Variants in BCAT1 observed in about 807,000 individuals in gnomAD.
BCAT1 encodes branched chain amino acid transaminase 1.
Under a neutral mutation model 52.4 loss-of-function variants are expected in BCAT1, and 48 were observed. The ratio of observed to expected loss-of-function variants is 0.92; its 90% CI spans 0.73 to 1.16. The LOEUF (loss-of-function observed/expected upper bound fraction) is 1.16. BCAT1 is among the 50% of genes most tolerant of loss of function. The pLI, the probability that BCAT1 is intolerant of heterozygous loss-of-function variation, is 0.00. For synonymous variants in BCAT1, 167 were observed against 161.3 expected, an observed-to-expected ratio of 1.04 and a Z score of -0.27; for missense variants, 451 against 457.1, an observed-to-expected ratio of 0.99 and a Z score of 0.12.
At chr12:24,836,939 A>AAAG in intron 7 of BCAT1, among the ~76,000 whole-genome samples, 2 of 118,452 alleles carry the variant, frequency 1.7e-5, no homozygotes, top group African/African-American at 5.8e-5. Context: ...AGAAAGAAAG[A>AAAG]AAGAAAGAAA....
At chr12:24,945,584 G>C (rs1439899477) in intron 1 of BCAT1, 1 of 152,190 alleles carries the variant, frequency 6.6e-6, no homozygotes, top group African/African-American at 2.4e-5. Flanking sequence ...TGTAATCCCA[G>C]CACTTTGGGA....
rs552698764 is a variant in BCAT1, at chr12:24,891,502, G to A, written c.279+2773C>T. 4.2e-3 allele frequency among the ~76,000 whole-genome samples: 645 copies of A among 152,186 alleles called. 3 individuals carry two copies. The highest frequency in any genetic ancestry group is 8.1e-3 in the South Asian group (39 of 4,816). ...ACATGAAAAATAATTTTAAAATGAC[G>A]CTTGTAATTTTAAGCTATTAATTTT... is the stretch of plus-strand genomic sequence containing the variant. On this transcript the variant is annotated intron_variant, in intron 3 of 10. Transcript: ENST00000261192.
At chr12:24,930,781 T>G (rs1324655621) in intron 1 of BCAT1, among the ~76,000 whole-genome samples, 1 of 152,188 alleles carries the variant, frequency 6.6e-6, no homozygotes, top group Non-Finnish European at 1.5e-5. Context: ...AGGCTAAAGC[T>G]TGCAGAATTA....
At chr12:24,823,040 T>A (rs1000911873) in intron 10 of BCAT1, among the ~76,000 whole-genome samples, 4 of 152,016 alleles carry the variant, frequency 2.6e-5, no homozygotes, top group African/African-American at 9.7e-5. Context: ...TTGACTTTTT[T>A]TTTTTTTTCA....
intron 4 of BCAT1, among the ~76,000 whole-genome samples, 155 bp downstream of exon 4, chr12:24,881,146 T>C (rs1159058684): frequency 6.6e-6 from 1 of 152,216 alleles, no homozygotes; most frequent in Non-Finnish European, 1.5e-5. Flanking sequence ...TTTTCTTGTA[T>C]TTTTACCTAA....
rs56155850 is a variant in BCAT1, at chr12:24,842,958, T to C, written c.675-734A>G. On this transcript the variant is annotated intron_variant, in intron 6 of 10. Transcript: ENST00000261192. ...TATATGGGAAAATTATGGAGTATAT[T>C]ATAAAATAAGGATGAATATTTTAGA... is the stretch of plus-strand genomic sequence containing the variant. 6.7e-3 allele frequency among the ~76,000 whole-genome samples: 1,016 copies of C among 152,282 alleles called. 9 individuals carry two copies. Among genetic ancestry groups the C allele is most frequent in the African/African-American group, 0.024 (979 of 41,548 alleles).
At chr12:24,828,434 G>T (rs1055183834) in intron 10 of BCAT1, among the ~76,000 whole-genome samples, 2 of 151,956 alleles carry the variant, frequency 1.3e-5, no homozygotes, top group Non-Finnish European at 2.9e-5. Context: ...AAAAATAGAC[G>T]TGTATACTCT....
intron 5 of BCAT1, among the ~76,000 whole-genome samples, chr12:24,857,454 C>G (rs1941722760): frequency 6.6e-6 from 1 of 151,338 alleles, no homozygotes; most frequent in Non-Finnish European, 1.5e-5. Flanking sequence ...TAAAAGTCAG[C>G]TTAATTAAAA....
At chr12:24,822,450 A>G (rs909461909) in intron 10 of BCAT1, among the ~76,000 whole-genome samples, 1 of 152,246 alleles carries the variant, frequency 6.6e-6, no homozygotes, top group African/African-American at 2.4e-5. Flanking sequence ...AGCACTTTGT[A>G]GAAAACATCC....
chr12:24,923,277 T>C (rs1372207196), intron 1 of BCAT1, among the ~76,000 whole-genome samples: 2 of 152,206 alleles, frequency 1.3e-5, no homozygotes, highest in African/African-American at 4.8e-5. Context: ...TTTGCAAGCC[T>C]TTCTAAGACT....
chr12:24,914,327 C>T (rs1001626321), intron 1 of BCAT1, among the ~76,000 whole-genome samples: 2 of 152,132 alleles, frequency 1.3e-5, no homozygotes, highest in African/African-American at 4.8e-5. Context: ...AAGCAATTTG[C>T]CCACCTCAGC....
intron 1 of BCAT1, among the ~76,000 whole-genome samples, chr12:24,907,704 T>TA (rs1196232349): frequency 2.0e-5 from 3 of 152,178 alleles, no homozygotes; most frequent in African/African-American, 7.2e-5. Context: ...TCCCTGCCCT[T>TA]AAGGTACTTT....
intron 6 of BCAT1, among the ~76,000 whole-genome samples, chr12:24,845,407 A>G (rs1222978070): frequency 1.3e-5 from 2 of 152,248 alleles, no homozygotes; most frequent in Non-Finnish European, 1.5e-5. Context: ...CTATTGTTTA[A>G]TGACCATAAA....
intron 6 of BCAT1, among the ~76,000 whole-genome samples, chr12:24,844,200 G>A (rs773561883): frequency 5.3e-5 from 8 of 151,332 alleles, no homozygotes; most frequent in Non-Finnish European, 8.9e-5. Flanking sequence ...GGCTGAGGTG[G>A]GCAGATCACC....
chr12:24,887,332 C>T (rs1942711283), intron 3 of BCAT1, among the ~76,000 whole-genome samples: 1 of 151,786 alleles, frequency 6.6e-6, no homozygotes, highest in South Asian at 2.1e-4. Context: ...CCAGGCCCCA[C>T]AAATGTTAGG....
intron 1 of BCAT1, among the ~76,000 whole-genome samples, chr12:24,910,960 TG>T (rs1338877849): frequency 6.6e-6 from 1 of 152,056 alleles, no homozygotes; most frequent in Non-Finnish European, 1.5e-5. Context: ...AAAAATTAGC[TG>T]GGCATGGTGG....
chr12:24,851,732 A>G (rs1565463058), intron 5 of BCAT1, among the ~76,000 whole-genome samples: 1 of 152,218 alleles, frequency 6.6e-6, no homozygotes, highest in Non-Finnish European at 1.5e-5. Flanking sequence ...AAGCGCCTTA[A>G]AGCTTCATTT....
chr12:24,875,235 C>G (rs1242418238), intron 5 of BCAT1, among the ~76,000 whole-genome samples: 1 of 152,168 alleles, frequency 6.6e-6, no homozygotes, highest in Non-Finnish European at 1.5e-5. Context: ...ATGATCATTA[C>G]CAACATGAAT....
intron 1 of BCAT1, among the ~76,000 whole-genome samples, chr12:24,909,518 T>A (rs944933353): frequency 6.6e-6 from 1 of 152,170 alleles, no homozygotes; most frequent in African/African-American, 2.4e-5. Context: ...CAGAAAGTGA[T>A]TGTCTCATAG....
Sources: allele counts gnomAD v4.1 joint callset (sites outside exome capture counted in the v4.1 genomes callset), GRCh38; gene constraint gnomAD v4.1.1; transcripts MANE v1.5; gene names NCBI Gene and HGNC (gene_info 2026-07-23, HGNC 2026-07-21).